Variants in NRG1 observed in about 807,000 individuals in gnomAD.
The protein encoded by NRG1 is neuregulin 1.
NRG1 carries 18 observed loss-of-function variants against 63.8 expected under a neutral mutation model. The ratio of observed to expected loss-of-function variants is 0.28; its 90% CI spans 0.19 to 0.42. NRG1 has a LOEUF of 0.42. NRG1 is among the 10% of genes least tolerant of loss of function. The pLI, the probability that NRG1 is intolerant of heterozygous loss-of-function variation, is 1.00. For synonymous variants in NRG1, 302 were observed against 301.3 expected, an observed-to-expected ratio of 1.00 and a Z score of -0.02; for missense variants, 762 against 814.7, an observed-to-expected ratio of 0.94 and a Z score of 0.79.
intron 1 of NRG1, among the ~76,000 whole-genome samples, chr8:31,864,551 A>T (rs1481618): frequency 1.3e-5 from 2 of 151,834 alleles, no homozygotes; most frequent in Non-Finnish European, 2.9e-5. Context: ...GCAGGGGGGA[A>T]TGAGGTGCAT....
rs1826577560 is a variant in NRG1 at position 32,742,468 on chromosome 8, C to T, written c.633-207C>T. Among the ~76,000 whole-genome samples the T allele has an allele frequency of 6.6e-6, 1 of 152,192 alleles. No homozygotes were observed. The highest frequency in any genetic ancestry group is 1.5e-5 in the Non-Finnish European group (1 of 68,040). ...TGCTGGGATCTTTCCACCATACCAA[C>T]TTAAGAACTGCATTCTGTCCAAATT... is the stretch of plus-strand genomic sequence containing the variant. On this transcript the variant is annotated intron_variant, in intron 6 of 11. Transcript: ENST00000356819. The surrounding 1 kb of genome is among the most constrained non-coding windows in gnomAD (Gnocchi z 4.2).
intron 1 of NRG1, among the ~76,000 whole-genome samples, chr8:31,741,882 A>G (rs1387782336): frequency 6.6e-6 from 1 of 152,012 alleles, no homozygotes; most frequent in Admixed American, 6.6e-5. Context: ...GGAAGCACAT[A>G]TAAGAATATT....
At chr8:32,322,294 T>C (rs1481454669) in intron 1 of NRG1, among the ~76,000 whole-genome samples, 1 of 151,588 alleles carries the variant, frequency 6.6e-6, no homozygotes, top group Admixed American at 6.6e-5. Flanking sequence ...TTACAAAATA[T>C]AATGGTTGTA....
chr8:31,746,958 A>G (rs1815935805), intron 1 of NRG1, among the ~76,000 whole-genome samples: 1 of 151,932 alleles, frequency 6.6e-6, no homozygotes, highest in Non-Finnish European at 1.5e-5. Flanking sequence ...CTTAAAATCA[A>G]AACAATTGAA....
chr8:32,681,923 A>G (rs9297195), intron 5 of NRG1, among the ~76,000 whole-genome samples: 14,050 of 152,270 alleles, frequency 0.092, 697 homozygotes, highest in African/African-American at 0.11. Context: ...AAAATGAGAT[A>G]GATAACGTTA....
intron 1 of NRG1, among the ~76,000 whole-genome samples, chr8:32,490,286 C>T (rs1176525846): frequency 6.7e-6 from 1 of 150,024 alleles, no homozygotes; most frequent in Non-Finnish European, 1.5e-5. Context: ...GTCTGAGTGA[C>T]AGAACGAGAC....
At position 31,914,204 on chromosome 8, in the gene NRG1, A is replaced by G. The variant is rs140590142; in HGVS notation, c.37+274773A>G. ...TTGGTTCACGTGGATAGAGAATTCTATGCCTTTTTTAGCCACTGTGACTCA... is the reference window on the plus strand; with the variant it reads ...TTGGTTCACGTGGATAGAGAATTCTGTGCCTTTTTTAGCCACTGTGACTCA... On this transcript the variant is annotated intron_variant, in intron 1 of 10. Coordinates refer to the NRG1 transcript ENST00000519301. Among the ~76,000 whole-genome samples, 15 of 152,162 alleles carry G rather than the reference A, an allele frequency of 9.9e-5. No homozygotes were observed. In the East Asian group the frequency reaches 1.7e-3, roughly 18 times the overall value.
intron 1 of NRG1, among the ~76,000 whole-genome samples, chr8:31,938,379 C>G (rs1042810566): frequency 2.0e-5 from 3 of 152,152 alleles, no homozygotes; most frequent in African/African-American, 7.2e-5. Context: ...ATCAAGGGGG[C>G]ACCTCATGGG....
chr8:31,723,742 T>G (rs1357765473), intron 1 of NRG1, among the ~76,000 whole-genome samples: 1 of 152,204 alleles, frequency 6.6e-6, no homozygotes, highest in Admixed American at 6.6e-5. Context: ...ATTTTCTTAC[T>G]GTAACTAACT....
chr8:32,312,160 T>TTTG (rs1554504644), intron 1 of NRG1, among the ~76,000 whole-genome samples: 11 of 121,868 alleles, frequency 9.0e-5, no homozygotes, highest in Non-Finnish European at 1.7e-4. Flanking sequence ...CTTGTTTGTT[T>TTTG]TTTTTTTTTT....
At chr8:31,710,567 C>T (rs188326626) in intron 1 of NRG1, among the ~76,000 whole-genome samples, 237 of 152,060 alleles carry the variant, frequency 1.6e-3, no homozygotes, top group African/African-American at 5.6e-3. Context: ...TTGTGAATTA[C>T]ACTCTCTTGA....
chr8:32,343,098 T>C (rs1183092460), intron 1 of NRG1, among the ~76,000 whole-genome samples: 1 of 152,176 alleles, frequency 6.6e-6, no homozygotes, highest in Non-Finnish European at 1.5e-5. Flanking sequence ...CCATTTCACC[T>C]GCATTATGCC....
intron 5 of NRG1, among the ~76,000 whole-genome samples, chr8:32,664,562 T>A (rs1803660248): frequency 6.6e-6 from 1 of 152,064 alleles, no homozygotes; most frequent in South Asian, 2.1e-4. Flanking sequence ...GCATGTATTG[T>A]CTAATCCTCA....
chr8:32,196,761 A>G (rs1219748943), intron 1 of NRG1, among the ~76,000 whole-genome samples: 1 of 152,028 alleles, frequency 6.6e-6, no homozygotes. Context: ...AGTATGTCTC[A>G]ATCAACATAC....
At chr8:31,789,047 A>C (rs1425837309) in intron 1 of NRG1, among the ~76,000 whole-genome samples, 2 of 152,328 alleles carry the variant, frequency 1.3e-5, no homozygotes, top group East Asian at 3.9e-4. Flanking sequence ...CCTTGTCAGC[A>C]CACTGACCTA....
intron 1 of NRG1, among the ~76,000 whole-genome samples, chr8:31,816,712 T>C (rs1324168381): frequency 2.0e-5 from 3 of 152,188 alleles, no homozygotes; most frequent in Admixed American, 6.5e-5. Context: ...AGGACTGGAA[T>C]TTAGGGCTTC....
At chr8:32,280,395 T>C (rs1173063784) in intron 1 of NRG1, among the ~76,000 whole-genome samples, 1 of 152,240 alleles carries the variant, frequency 6.6e-6, no homozygotes, top group African/African-American at 2.4e-5. Context: ...ACCTGATGCT[T>C]ATCAGCTTAC....
At chr8:31,678,831 A>T (rs1808017134) in intron 1 of NRG1, among the ~76,000 whole-genome samples, 1 of 149,636 alleles carries the variant, frequency 6.7e-6, no homozygotes, top group South Asian at 2.1e-4. Context: ...CTTTATATTG[A>T]TATAAAATTA....
intron 1 of NRG1, among the ~76,000 whole-genome samples, chr8:32,037,770 C>G (rs1251277588): frequency 6.6e-6 from 1 of 152,210 alleles, no homozygotes; most frequent in Non-Finnish European, 1.5e-5. Flanking sequence ...CCCAGTCTCG[C>G]TGGCACCTGC....
Sources: allele counts gnomAD v4.1 joint callset (sites outside exome capture counted in the v4.1 genomes callset), GRCh38; gene constraint gnomAD v4.1.1; non-coding constraint Gnocchi (gnomAD v3.1); transcripts MANE v1.5; gene names NCBI Gene and HGNC (gene_info 2026-07-23, HGNC 2026-07-21).